CLEC10A: variants seen among roughly 807,000 people sequenced by gnomAD.
CLEC10A encodes C-type lectin domain family 10 member A.
Under a neutral mutation model 42.0 loss-of-function variants are expected in CLEC10A, and 38 were observed. The ratio of observed to expected loss-of-function variants is 0.90; its 90% CI spans 0.70 to 1.18. The LOEUF is 1.18. Among genes scored for constraint, CLEC10A ranks in the 50% most tolerant of loss-of-function variants. CLEC10A has a pLI of 0.00. For missense variants in CLEC10A, 298 were observed against 345.9 expected, an observed-to-expected ratio of 0.86 and a Z score of 1.10; for synonymous variants, 126 against 139.9, an observed-to-expected ratio of 0.90 and a Z score of 0.70.
In CLEC10A at chr17:7,075,744, G is replaced by T. The variant is rs1361595200; in HGVS notation, c.581C>A (p.Ser194Tyr). ...LKNAHLVVIN[S>Y]REEQNFVQKY... Reference sequence around the variant, plus strand: ...AGAAGCCCTCACCTGCTCCTCCCTGGAGTTGATGACCACCAGGTGGGCGTT... The same window carrying T: ...AGAAGCCCTCACCTGCTCCTCCCTGTAGTTGATGACCACCAGGTGGGCGTT... Residue 194 changes from serine (S) to tyrosine (Y), a missense_variant, in exon 7 of 9, where the codon TCC becomes TAC. Ser to Tyr is a moderately radical substitution (Grantham distance 144, BLOSUM62 -2). Coordinates refer to ENST00000416562, the MANE Select transcript of CLEC10A (RefSeq NM_001330070.2). The T allele has an allele frequency of 6.2e-7, 1 of 1,614,162 alleles. No individual in the cohort carries two copies. The highest frequency in any genetic ancestry group is 8.5e-7 in the Non-Finnish European group (1 of 1,180,030).
intron 2 of CLEC10A, 85 bp downstream of exon 2, chr17:7,078,661 C>A: frequency 1.5e-6 from 2 of 1,305,304 alleles, no homozygotes; most frequent in African/African-American, 1.4e-5. Flanking sequence ...CACCAGTGCG[C>A]GTGGTGGAGG....
At chr17:7,076,833 G>A in intron 4 of CLEC10A, 29 bp from the exon 5 acceptor site, 1 of 1,613,838 alleles carries the variant, frequency 6.2e-7, no homozygotes, top group Non-Finnish European at 8.5e-7. Context: ...TGGCTTAGGG[G>A]TCAACTTCCT....
In CLEC10A at chr17:7,074,970, C is replaced by A. The variant is rs769675310; in HGVS notation, c.*84G>T. On this transcript the variant is annotated 3_prime_UTR_variant, in exon 9 of 9. Coordinates refer to ENST00000416562, the MANE Select transcript of CLEC10A (RefSeq NM_001330070.2). ...CAATCTCCCAGTGCTTATTTCTCTC[C>A]CAGAGCGGTCTTGCGAGGAGGTCGT... is the stretch of plus-strand genomic sequence containing the variant. 266 of 1,155,642 alleles carry A rather than the reference C, an allele frequency of 2.3e-4. 1 individual carries two copies. The highest frequency in any genetic ancestry group is 2.9e-4 in the Admixed American group (10 of 34,686). 71.6% of individuals were successfully genotyped at this position (1,155,642 alleles called of 1,614,324 possible). A position where few individuals can be genotyped will look rare whatever the true frequency, so the allele number is the denominator to read the frequency against.
At chr17:7,076,373 C>T (rs1428890801) in intron 5 of CLEC10A, among the ~76,000 whole-genome samples, 12 of 146,740 alleles carry the variant, frequency 8.2e-5, no homozygotes, top group African/African-American at 2.8e-4. Context: ...TGCAATGGCG[C>T]GATCTCGGCT....
In CLEC10A at chr17:7,078,100, G is replaced by C. The variant is rs780514349; in HGVS notation, c.81C>G (p.Leu27=). 1 of 1,613,130 alleles carries C rather than the reference G, an allele frequency of 6.2e-7. No individual in the cohort carries two copies. Among genetic ancestry groups the C allele is most frequent in the Non-Finnish European group, 8.5e-7 (1 of 1,179,322 alleles). ...VQGFKNGPLP[L]QSLLQRLCSG... ...AGCAGAGACGCTGCAGGAGGGACTGGAGAGGAAGTGGCCCTGCAAGAGGAG... is the reference window on the plus strand; with the variant it reads ...AGCAGAGACGCTGCAGGAGGGACTGCAGAGGAAGTGGCCCTGCAAGAGGAG... The change falls in exon 3 of 9, where the codon CTC becomes CTG. Residue 27 remains leucine (L), a synonymous_variant. Coordinates refer to ENST00000416562, the MANE Select transcript of CLEC10A (RefSeq NM_001330070.2).
chr17:7,077,472 A>G (rs1286044201), intron 3 of CLEC10A, among the ~76,000 whole-genome samples: 3 of 28,102 alleles, frequency 1.1e-4, no homozygotes, highest in Non-Finnish European at 1.3e-4. Context: ...CACCATTCCC[A>G]ACAATCACTC....
chr17:7,078,809 T>C lies in CLEC10A; in HGVS notation c.4A>G (p.Thr2Ala). MTRTYENFQYLE... is the reference protein window; with the variant it reads MARTYENFQYLE... ...TACTGGAAGTTTTCATACGTCCTTG[T>C]CATGCTTGGGCCAACACGGCTCTGA... Residue 2 changes from threonine (T) to alanine (A), a missense_variant, in exon 2 of 9, where the codon ACA becomes GCA. Coordinates refer to ENST00000416562, the MANE Select transcript of CLEC10A (RefSeq NM_001330070.2). 6.2e-7 allele frequency: 1 copy of C among 1,614,114 alleles called. No individual in the cohort carries two copies. The highest frequency in any genetic ancestry group is 8.5e-7 in the Non-Finnish European group (1 of 1,180,034).
chr17:7,078,468 T>C (rs1440427535), intron 2 of CLEC10A: 2 of 526,128 alleles, frequency 3.8e-6, no homozygotes, highest in Non-Finnish European at 6.8e-6. Context: ...ACAAATGAGT[T>C]TCCTTCCAAA....
intron 1 of CLEC10A, 136 bp from the exon 2 acceptor site, chr17:7,079,021 G>A: frequency 1.7e-6 from 1 of 599,934 alleles, no homozygotes; most frequent in Non-Finnish European, 3.0e-6. Context: ...GTTAGAATTG[G>A]GGTCGAGTTG....
At chr17:7,078,415 C>T in intron 2 of CLEC10A, 1 of 504,404 alleles carries the variant, frequency 2.0e-6, no homozygotes, top group East Asian at 3.4e-5. Context: ...GCAGCCAGCC[C>T]TTCATGGGCT....
Position 7,076,919 on chromosome 17 carries a change from CCA to C in CLEC10A, c.251_252del (p.Val84GlyfsTer23), listed in dbSNP as rs1308781127. The C allele has an allele frequency of 2.5e-6, 4 of 1,613,874 alleles. No homozygotes were observed. In the Admixed American group the frequency reaches 6.7e-5, roughly 27 times the overall value. ...TGGGAAGTCAGTGCCTGGATCTCCG[CCA>C]CAGTGTTTGAGGTGAAGTTGCTAAA... ...TDFSNFTSNTVAEIQALTSQG... is the reference protein window; with the variant it reads ...TDFSNFTSNTXAEIQALTSQG... On this transcript the variant is annotated frameshift_variant, in exon 4 of 9. Coordinates refer to ENST00000416562, the MANE Select transcript of CLEC10A (RefSeq NM_001330070.2). LOFTEE classifies it high-confidence loss of function.
At chr17:7,078,414 C>T in intron 2 of CLEC10A, 1 of 499,002 alleles carries the variant, frequency 2.0e-6, no homozygotes, top group Non-Finnish European at 3.6e-6. Flanking sequence ...GGCAGCCAGC[C>T]CTTCATGGGC....
intron 5 of CLEC10A, 54 bp from the exon 6 acceptor site, chr17:7,076,125 G>A (rs376732406): frequency 2.4e-5 from 39 of 1,613,968 alleles, no homozygotes; most frequent in East Asian, 1.8e-4. Flanking sequence ...TGCCTTCTGC[G>A]TAGTGTGTTC....
At chr17:7,075,529 T>C (rs370695862) in intron 7 of CLEC10A, 63 bp from the exon 8 acceptor site, 1 of 1,450,950 alleles carries the variant, frequency 6.9e-7, no homozygotes, top group South Asian at 1.3e-5. Flanking sequence ...AAACTAGTGA[T>C]TCTCAACTTT....
chr17:7,077,872 C>A (rs938376658), intron 3 of CLEC10A, 125 bp downstream of exon 3: 2 of 740,832 alleles, frequency 2.7e-6, no homozygotes, highest in African/African-American at 3.5e-5. Context: ...GCCCCCAACA[C>A]TGTGCCCTGC....
chr17:7,076,705 C>A, intron 5 of CLEC10A, 28 bp downstream of exon 5: 1 of 1,612,438 alleles, frequency 6.2e-7, no homozygotes, highest in Non-Finnish European at 8.5e-7. Flanking sequence ...GCCTAGCCCC[C>A]CACACCCATA....
intron 1 of CLEC10A, among the ~76,000 whole-genome samples, chr17:7,079,440 G>A (rs1292208613): frequency 1.3e-5 from 2 of 152,018 alleles, no homozygotes; most frequent in East Asian, 3.9e-4. Flanking sequence ...AAAATTAGCT[G>A]GGTGTGGTGG....
chr17:7,077,942 ATT>A, intron 3 of CLEC10A, 53 bp downstream of exon 3: 1 of 1,366,558 alleles, frequency 7.3e-7, no homozygotes, highest in Admixed American at 1.7e-5. Context: ...GCACCCCATT[ATT>A]TATCTTCTAC....
rs1911622340 is a variant in CLEC10A, at chr17:7,074,862, T to C, written c.*192A>G. ...CTTCATGAAGTTGACTTTCAAAAGTTGGAAAAAAAATAAAAGCTTAAGAAC... is the reference window on the plus strand; with the variant it reads ...CTTCATGAAGTTGACTTTCAAAAGTCGGAAAAAAAATAAAAGCTTAAGAAC... On this transcript the variant is annotated 3_prime_UTR_variant, in exon 9 of 9. Transcript: ENST00000416562. The C allele has an allele frequency of 4.8e-6, 2 of 420,082 alleles. No individual in the cohort carries two copies. Among genetic ancestry groups the C allele is most frequent in the East Asian group, 3.6e-5 (1 of 27,894 alleles). 26.0% of individuals were successfully genotyped at this position (420,082 alleles called of 1,614,324 possible). A position where few individuals can be genotyped will look rare whatever the true frequency, so the allele number is the denominator to read the frequency against.
Sources: gnomAD v4.1 joint callset for allele counts (sites outside exome capture counted in the v4.1 genomes callset) on GRCh38, gnomAD v4.1.1 for gene constraint, MANE v1.5 for transcripts, NCBI Gene and HGNC (gene_info 2026-07-23, HGNC 2026-07-21) for gene names.